The following BNC2 variants were observed in gnomAD, a reference collection of about 807,000 sequenced individuals.
BNC2 encodes zinc finger protein basonuclin-2.
BNC2 carries 20 observed loss-of-function variants against 76.3 expected under a neutral mutation model. That is an observed-to-expected ratio of 0.26 (90% CI 0.18 to 0.38). The LOEUF (loss-of-function observed/expected upper bound fraction) is 0.38. BNC2 is among the 10% of genes least tolerant of loss of function. The pLI is 1.00. For synonymous variants in BNC2, 582 were observed against 514.8 expected (o/e 1.13, Z -1.77); for missense variants, 1,382 against 1,399.8 (o/e 0.99, Z 0.20).
chr9:16,818,439 G>A (rs994093798), intron 1 of BNC2, among the ~76,000 whole-genome samples: 1 of 152,142 alleles, frequency 6.6e-6, no homozygotes, highest in African/African-American at 2.4e-5. Context: ...AGGGAAGGGA[G>A]AGAGAACCGG....
At chr9:16,450,840 C>T (rs1282469900) in intron 5 of BNC2, among the ~76,000 whole-genome samples, 1 of 152,162 alleles carries the variant, frequency 6.6e-6, no homozygotes. Flanking sequence ...CAGTGTCTGT[C>T]CTGCATGAAA....
At chr9:16,469,638 G>A (rs953166353) in intron 5 of BNC2, among the ~76,000 whole-genome samples, 9 of 152,300 alleles carry the variant, frequency 5.9e-5, no homozygotes, top group Middle Eastern at 3.4e-3. Flanking sequence ...ATGTGAAAGC[G>A]ACTTAGGAAC....
intron 3 of BNC2, among the ~76,000 whole-genome samples, chr9:16,602,822 T>C (rs1242965693): frequency 6.6e-6 from 1 of 152,208 alleles, no homozygotes; most frequent in Non-Finnish European, 1.5e-5. Context: ...ACATTTCTGT[T>C]TTAACTGCAT....
intron 5 of BNC2, among the ~76,000 whole-genome samples, chr9:16,465,882 G>T (rs1474215781): frequency 2.0e-5 from 3 of 151,308 alleles, no homozygotes; most frequent in Non-Finnish European, 2.9e-5. Flanking sequence ...AAAAGAGGAA[G>T]TCAAATTGTC....
chr9:16,667,714 A>T (rs1822342692), intron 3 of BNC2, among the ~76,000 whole-genome samples: 1 of 152,222 alleles, frequency 6.6e-6, no homozygotes, highest in Non-Finnish European at 1.5e-5. Context: ...AAGTTAAGAA[A>T]GGTATAGTTC....
chr9:16,690,820 G>T (rs1291287128), intron 3 of BNC2, among the ~76,000 whole-genome samples: 2 of 152,180 alleles, frequency 1.3e-5, no homozygotes, highest in African/African-American at 4.8e-5. Flanking sequence ...TATGCAACAG[G>T]TTGAAAGACA....
At chr9:16,702,482 A>T (rs1275498570) in intron 3 of BNC2, among the ~76,000 whole-genome samples, 1 of 152,050 alleles carries the variant, frequency 6.6e-6, no homozygotes, top group African/African-American at 2.4e-5. Flanking sequence ...ACCTAATGAA[A>T]ATTTTGCAGA....
chr9:16,441,045 G>C (rs1821117406), intron 5 of BNC2, among the ~76,000 whole-genome samples: 1 of 152,118 alleles, frequency 6.6e-6, no homozygotes, highest in Non-Finnish European at 1.5e-5. Context: ...GTCATCATTG[G>C]CTGCGCGTTG....
At chr9:16,444,155 A>G (rs1305111572) in intron 5 of BNC2, among the ~76,000 whole-genome samples, 2 of 152,178 alleles carry the variant, frequency 1.3e-5, no homozygotes, top group Admixed American at 6.5e-5. Context: ...TATGCAAGAC[A>G]ATCCACTGTG....
chr9:16,705,425 C>G (rs1823638678), intron 3 of BNC2, among the ~76,000 whole-genome samples: 1 of 152,146 alleles, frequency 6.6e-6, no homozygotes, highest in Non-Finnish European at 1.5e-5. Flanking sequence ...CCAGCAACAC[C>G]CTGCTCTTGA....
rs374037312 is a variant in BNC2 at position 16,807,201 on chromosome 9, A to T, written c.3+63445T>A. On this transcript the variant is annotated intron_variant, in intron 1 of 6. Coordinates refer to ENST00000380672, the MANE Select transcript of BNC2 (RefSeq NM_017637.6). ...AACTTACCATTCTGGGACAATAAAA[A>T]GTCAGTGTCAACACCACAGATCTCT... Among the ~76,000 whole-genome samples the T allele has an allele frequency of 3.6e-3, 548 of 152,336 alleles. 3 individuals carry two copies. Among genetic ancestry groups the T allele is most frequent in the African/African-American group, 0.012 (480 of 41,574 alleles).
rs368061172 is a variant in BNC2, at chr9:16,583,353, T to C, written c.331-268A>G. 9.2e-5 allele frequency among the ~76,000 whole-genome samples: 14 copies of C among 152,298 alleles called. No homozygotes were observed. In the East Asian group the frequency reaches 1.4e-3, roughly 15 times the overall value. ...TAGAATAAAAATAAAGGATTACATA[T>C]TCGATAAGATACCGGATTTACGACA... On this transcript the variant is annotated intron_variant, in intron 3 of 6. Coordinates refer to ENST00000380672, the MANE Select transcript of BNC2 (RefSeq NM_017637.6).
At chr9:16,463,650 A>C (rs933309245) in intron 5 of BNC2, among the ~76,000 whole-genome samples, 1 of 152,146 alleles carries the variant, frequency 6.6e-6, no homozygotes, top group Non-Finnish European at 1.5e-5. Flanking sequence ...ATCTCACCGC[A>C]CTGACAAAAA....
At chr9:16,715,840 A>G (rs1823983423) in intron 3 of BNC2, among the ~76,000 whole-genome samples, 1 of 152,184 alleles carries the variant, frequency 6.6e-6, no homozygotes, top group Admixed American at 6.5e-5. Context: ...ATACTACTCT[A>G]GAGTTTCTGG....
chr9:16,759,965 C>A (rs1040530323), intron 1 of BNC2, among the ~76,000 whole-genome samples: 2 of 152,138 alleles, frequency 1.3e-5, no homozygotes, highest in African/African-American at 4.8e-5. Flanking sequence ...CCTCGTGATC[C>A]GCCCACCTCG....
At chr9:16,865,334 ACTCAT>A (rs1452989640) in intron 1 of BNC2, among the ~76,000 whole-genome samples, 1 of 152,092 alleles carries the variant, frequency 6.6e-6, no homozygotes, top group African/African-American at 2.4e-5. Flanking sequence ...AATTCCTGAT[ACTCAT>A]CTTATTAGAG....
Position 16,747,265 on chromosome 9 carries a change from C to G in BNC2, c.4-8780G>C, listed in dbSNP as rs552947285. Among the ~76,000 whole-genome samples, 3 of 151,894 alleles carry G rather than the reference C, an allele frequency of 2.0e-5. No homozygotes were observed. In the East Asian group the frequency reaches 5.8e-4, roughly 30 times the overall value. On this transcript the variant is annotated intron_variant, in intron 1 of 6. Coordinates refer to ENST00000380672, the MANE Select transcript of BNC2 (RefSeq NM_017637.6). ...AAAGTTTCAAGAAAACCAAGCCAGA[C>G]TCTTAAGAATTACAGAATAAATCTA...
At chr9:16,459,384 T>C (rs940195856) in intron 5 of BNC2, among the ~76,000 whole-genome samples, 3 of 152,126 alleles carry the variant, frequency 2.0e-5, no homozygotes, top group Non-Finnish European at 4.4e-5. Context: ...GTCACAGGTG[T>C]TGCATTTGTT....
Position 16,437,379 on chromosome 9 carries a change from G to A in BNC2, c.815C>T (p.Ala272Val). ...AIQEKEGQAV[A>V]VPSSKTDSDI... Reference sequence around the variant, plus strand: ...TGAGTCTGTCTTTGAAGATGGTACAGCCACGGCCTGCCCTTCTTTCTCCTG... The same window carrying A: ...TGAGTCTGTCTTTGAAGATGGTACAACCACGGCCTGCCCTTCTTTCTCCTG... The change falls in exon 6 of 7, where the codon GCT becomes GTT. Residue 272 changes from alanine (A) to valine (V), a missense_variant. Physicochemically the swap from Ala to Val is moderately conservative, Grantham distance 64 (BLOSUM62 0). This residue lies in a region of BNC2 where 557 missense variants were observed against 540.9 expected (regional missense o/e 1.03). Transcript: ENST00000380672. The A allele has an allele frequency of 6.2e-7, 1 of 1,612,652 alleles. No homozygotes were observed. Among genetic ancestry groups the A allele is most frequent in the Non-Finnish European group, 8.5e-7 (1 of 1,178,840 alleles).
Sources: gnomAD v4.1 joint callset for allele counts (sites outside exome capture counted in the v4.1 genomes callset) on GRCh38, gnomAD v4.1.1 for gene constraint, gnomAD v4.1.1 regional missense constraint, MANE v1.5 for transcripts, NCBI Gene and HGNC (gene_info 2026-07-23, HGNC 2026-07-21) for gene names.